Variants in CSDE1 observed in about 807,000 individuals in gnomAD.
CSDE1 encodes cold shock domain-containing protein E1.
A neutral mutation model predicts 89.3 loss-of-function variants in CSDE1; 17 were observed. The observed-to-expected ratio is 0.19, with a 90% CI of 0.13 to 0.29. The LOEUF (loss-of-function observed/expected upper bound fraction) is 0.29. Among genes scored for constraint, CSDE1 ranks in the 10% least tolerant of loss-of-function variants. The pLI is 1.00. For missense variants in CSDE1, 672 were observed against 984.2 expected (o/e 0.68, Z 4.24); for synonymous variants, 322 against 332.8 (o/e 0.97, Z 0.35).
At chr1:114,733,913 AT>A in intron 8 of CSDE1, 56 bp from the exon 9 acceptor site, 3 of 1,607,554 alleles carry the variant, frequency 1.9e-6, no homozygotes, top group Non-Finnish European at 2.5e-6. Flanking sequence ...GAATCACATA[AT>A]TTTAAGTGTT....
chr1:114,730,200 G>A (rs542632587), intron 12 of CSDE1, 58 bp downstream of exon 12: 1 of 1,572,000 alleles, frequency 6.4e-7, no homozygotes, highest in South Asian at 1.2e-5. Context: ...ACTATGTGCT[G>A]TTAAAGCAGA....
chr1:114,730,770 T>A (rs1660054564), intron 10 of CSDE1, 122 bp from the exon 11 acceptor site: 5 of 1,157,610 alleles, frequency 4.3e-6, no homozygotes, highest in Non-Finnish European at 6.2e-6. Context: ...AAATACTGTA[T>A]CCACATTTGA....
At chr1:114,726,178 T>C (rs753313210) in intron 14 of CSDE1, 33 bp downstream of exon 14, 3 of 1,560,280 alleles carry the variant, frequency 1.9e-6, no homozygotes, top group African/African-American at 2.7e-5. Context: ...GGATGGTAAG[T>C]TAGCTGTAAA....
chr1:114,719,977 T>C (rs1659423929), intron 17 of CSDE1, among the ~76,000 whole-genome samples: 1 of 152,246 alleles, frequency 6.6e-6, no homozygotes, highest in African/African-American at 2.4e-5. Flanking sequence ...TCGTATATTA[T>C]GAACTAAGCT....
At chr1:114,724,050 T>G (rs1304069604) in intron 15 of CSDE1, 48 bp from the exon 16 acceptor site, 1 of 1,575,320 alleles carries the variant, frequency 6.3e-7, no homozygotes. Context: ...TCATCTCTAC[T>G]ACATAGAAAG....
chr1:114,725,900 G>C (rs189894971), intron 14 of CSDE1, among the ~76,000 whole-genome samples: 1 of 152,266 alleles, frequency 6.6e-6, no homozygotes, highest in African/African-American at 2.4e-5. Flanking sequence ...CCCCCAAAGT[G>C]CTGGGATTAT....
At chr1:114,720,403 A>T in intron 17 of CSDE1, 136 bp downstream of exon 17, 2 of 816,546 alleles carry the variant, frequency 2.4e-6, no homozygotes, top group Non-Finnish European at 3.7e-6. Flanking sequence ...GCTACCTCAA[A>T]TGACTGAAAA....
intron 2 of CSDE1, among the ~76,000 whole-genome samples, chr1:114,743,322 G>T (rs1263856537): frequency 2.0e-5 from 3 of 152,096 alleles, no homozygotes; most frequent in East Asian, 1.9e-4. Flanking sequence ...CTCCCAAGTA[G>T]CTGGGACTAC....
intron 2 of CSDE1, among the ~76,000 whole-genome samples, chr1:114,742,531 G>A (rs567995975): frequency 9.2e-5 from 14 of 152,264 alleles, no homozygotes; most frequent in East Asian, 7.7e-4. Flanking sequence ...GCAGTGAGCC[G>A]AAATTGTGCT....
chr1:114,742,922 CAAGTA>C (rs557065570), intron 2 of CSDE1, among the ~76,000 whole-genome samples: 46 of 152,332 alleles, frequency 3.0e-4, no homozygotes, highest in African/African-American at 1.1e-3. Context: ...CATTTCTGCA[CAAGTA>C]AACTTTTTAT....
At chr1:114,734,219 A>T in intron 7 of CSDE1, 102 bp from the exon 8 acceptor site, 2 of 1,346,828 alleles carry the variant, frequency 1.5e-6, no homozygotes, top group Non-Finnish European at 2.0e-6. Context: ...TGTAGTCACA[A>T]TAATATAATT....
intron 14 of CSDE1, among the ~76,000 whole-genome samples, chr1:114,725,642 AT>A (rs11365816): frequency 0.81 from 121,951 of 150,280 alleles, 49,934 homozygotes; most frequent in African/African-American, 0.92. Context: ...CTTACTTTCT[AT>A]TTTTTTTTTT....
intron 3 of CSDE1, 135 bp downstream of exon 3, chr1:114,739,557 C>T: frequency 3.0e-6 from 2 of 670,974 alleles, no homozygotes; most frequent in South Asian, 3.7e-5. Context: ...TACAGATATT[C>T]TTCACTAAAC....
intron 6 of CSDE1, among the ~76,000 whole-genome samples, chr1:114,735,399 T>C (rs775780217): frequency 5.3e-5 from 8 of 152,244 alleles, no homozygotes; most frequent in Non-Finnish European, 1.2e-4. Context: ...TTTTGTAACT[T>C]ACTGCAGTGA....
chr1:114,735,081 A>G (rs1037556298), intron 6 of CSDE1, among the ~76,000 whole-genome samples: 1 of 152,200 alleles, frequency 6.6e-6, no homozygotes, highest in Non-Finnish European at 1.5e-5. Flanking sequence ...AGTGACTTTA[A>G]GAGAACTTGC....
chr1:114,754,130 A>T (rs1206863769), intron 1 of CSDE1, among the ~76,000 whole-genome samples: 3 of 152,164 alleles, frequency 2.0e-5, no homozygotes, highest in African/African-American at 7.2e-5. Flanking sequence ...CTGGGACTAC[A>T]GGCGTGTACC....
intron 12 of CSDE1, chr1:114,727,827 TA>T (rs547813802): frequency 6.6e-6 from 1 of 152,066 alleles, no homozygotes; most frequent in Non-Finnish European, 1.5e-5. Context: ...ACTAAAAAAA[TA>T]AAAGTCTAAG....
intron 14 of CSDE1, 93 bp downstream of exon 14, chr1:114,726,118 C>G (rs748383262): frequency 9.6e-6 from 12 of 1,249,920 alleles, no homozygotes; most frequent in African/African-American, 1.5e-5. Flanking sequence ...TGAACCTCAA[C>G]AAGTATAATC....
chr1:114,732,928 A>T (rs1409137715), intron 9 of CSDE1, 112 bp from the exon 10 acceptor site: 16 of 880,478 alleles, frequency 1.8e-5, no homozygotes, highest in Non-Finnish European at 2.7e-5. Flanking sequence ...AGTTCCCTGA[A>T]GCGAAAAAAG....
Sources: allele counts gnomAD v4.1 joint callset (sites outside exome capture counted in the v4.1 genomes callset), GRCh38; gene constraint gnomAD v4.1.1; transcripts MANE v1.5; gene names NCBI Gene and HGNC (gene_info 2026-07-23, HGNC 2026-07-21).